PTPRN2: variants seen among roughly 807,000 people sequenced by gnomAD.
PTPRN2 encodes protein tyrosine phosphatase receptor type N2, also known as receptor-type tyrosine-protein phosphatase N2.
Under a neutral mutation model 118.8 loss-of-function variants are expected in PTPRN2, and 74 were observed. That is an observed-to-expected ratio of 0.62 (90% CI 0.52 to 0.76). The LOEUF (loss-of-function observed/expected upper bound fraction) is 0.76, where lower values mean the gene tolerates loss of function less well. Among genes scored for constraint, PTPRN2 ranks in the 30% least tolerant of loss-of-function variants. PTPRN2 has a pLI of 0.00. For synonymous variants in PTPRN2, 641 were observed against 608.0 expected (o/e 1.05, Z -0.80); for missense variants, 1,481 against 1,394.4 (o/e 1.06, Z -0.99).
intron 14 of PTPRN2, among the ~76,000 whole-genome samples, chr7:157,641,247 G>A (rs6978123): frequency 0.028 from 4,287 of 152,276 alleles, 185 homozygotes; most frequent in African/African-American, 0.096. Flanking sequence ...AGCCAAGGGG[G>A]AGAGAGGGAA....
At chr7:157,759,070 C>G (rs1405147640) in intron 12 of PTPRN2, among the ~76,000 whole-genome samples, 1 of 152,236 alleles carries the variant, frequency 6.6e-6, no homozygotes, top group Non-Finnish European at 1.5e-5. Flanking sequence ...CTCTATTATT[C>G]CTCGTTTCTC....
intron 11 of PTPRN2, among the ~76,000 whole-genome samples, chr7:158,068,077 C>T (rs1168746846): frequency 1.3e-5 from 2 of 152,152 alleles, no homozygotes; most frequent in Non-Finnish European, 2.9e-5. Flanking sequence ...TGGAGGAGAG[C>T]TGAGCCAGGG....
At chr7:157,614,049 C>G (rs534775198) in intron 15 of PTPRN2, 34 of 471,452 alleles carry the variant, frequency 7.2e-5, no homozygotes, top group African/African-American at 6.0e-4. Context: ...AAGCATCGTT[C>G]TGCAGCAGGA....
At chr7:157,677,594 G>A (rs189279658) in intron 13 of PTPRN2, among the ~76,000 whole-genome samples, 2 of 152,276 alleles carry the variant, frequency 1.3e-5, no homozygotes, top group African/African-American at 2.4e-5. Context: ...CCAGAAAAAC[G>A]TTCAGACTCA....
intron 2 of PTPRN2, among the ~76,000 whole-genome samples, chr7:158,468,211 C>G (rs1040108769): frequency 6.6e-6 from 1 of 152,204 alleles, no homozygotes; most frequent in African/African-American, 2.4e-5. Flanking sequence ...GCAAATTAGT[C>G]ATTTGCATTG....
At position 157,793,372 on chromosome 7, in the gene PTPRN2, G is replaced by GAGTATGCTTTGTATGTGAGGT. The variant is rs551425104; in HGVS notation, c.1788+105300_1788+105301insACCTCACATACAAAGCATACT. 2.2e-3 allele frequency among the ~76,000 whole-genome samples: 332 copies of GAGTATGCTTTGTATGTGAGGT among 152,340 alleles called. 1 individual carries two copies. Among genetic ancestry groups the GAGTATGCTTTGTATGTGAGGT allele is most frequent in the African/African-American group, 7.5e-3 (311 of 41,574 alleles). On this transcript the variant is annotated intron_variant, in intron 12 of 22. Transcript: ENST00000389418. ...ACCTTTACATTTTGGGGTGCTCTGTGGACCCCCTGTGTACCCTGTGAGTAT... is the reference window on the plus strand; with the variant it reads ...ACCTTTACATTTTGGGGTGCTCTGTGAGTATGCTTTGTATGTGAGGTGACCCCCTGTGTACCCTGTGAGTAT...
intron 12 of PTPRN2, among the ~76,000 whole-genome samples, chr7:157,731,903 T>G (rs1410960286): frequency 2.6e-5 from 1 of 39,110 alleles, no homozygotes; most frequent in African/African-American, 6.1e-5. Flanking sequence ...CAGTTACTCT[T>G]TCCCGTCCCA....
At chr7:157,768,002 G>A (rs911141832) in intron 12 of PTPRN2, among the ~76,000 whole-genome samples, 4 of 152,252 alleles carry the variant, frequency 2.6e-5, no homozygotes, top group South Asian at 2.1e-4. Context: ...GACACCGAGC[G>A]GTAAAAAGAG....
rs1005155695 is a variant in PTPRN2, at chr7:157,764,848, T to C, written c.1789-81911A>G. ...AATGATCCATCCTGCCATTCATCCA[T>C]CCATCCATCAAGCACTCATCCATCC... On this transcript the variant is annotated intron_variant, in intron 12 of 22. Coordinates refer to ENST00000389418, the MANE Select transcript of PTPRN2 (RefSeq NM_002847.5). The surrounding 1 kb of genome is among the most constrained non-coding windows in gnomAD (Gnocchi z 4.5). Among the ~76,000 whole-genome samples the C allele has an allele frequency of 8.6e-5, 13 of 152,016 alleles. No homozygotes were observed. The highest frequency in any genetic ancestry group is 7.9e-4 in the Admixed American group (12 of 15,254).
chr7:157,800,762 C>G (rs1043967028), intron 12 of PTPRN2, among the ~76,000 whole-genome samples: 3 of 151,848 alleles, frequency 2.0e-5, no homozygotes, highest in Non-Finnish European at 4.4e-5. Flanking sequence ...ACCATCCTGG[C>G]CAACACGGTG....
intron 12 of PTPRN2, among the ~76,000 whole-genome samples, chr7:157,818,615 G>C (rs1217390406): frequency 6.6e-6 from 1 of 152,130 alleles, no homozygotes; most frequent in Non-Finnish European, 1.5e-5. Flanking sequence ...CTGTGGCTGA[G>C]TGATGAGGGG....
Position 158,525,425 on chromosome 7 carries a change from T to A in PTPRN2, c.113-35640A>T, listed in dbSNP as rs969860909. On this transcript the variant is annotated intron_variant, in intron 1 of 22. Coordinates refer to ENST00000389418, the MANE Select transcript of PTPRN2 (RefSeq NM_002847.5). This position sits in a 1 kb window ranked among gnomAD's most constrained non-coding sequence, Gnocchi z 4.1. The stretch of plus-strand genomic sequence containing the variant: ...CCAGGTTTCCAGCCTGCCAGCCCCA[T>A]CCAGACTTAAGGACGGAAAGTGGGA... Among the ~76,000 whole-genome samples the A allele has an allele frequency of 2.6e-5, 4 of 152,060 alleles. No homozygotes were observed. The highest frequency in any genetic ancestry group is 5.9e-5 in the Non-Finnish European group (4 of 68,002).
chr7:157,830,985 C>T (rs1158402372), intron 12 of PTPRN2, among the ~76,000 whole-genome samples: 1 of 152,208 alleles, frequency 6.6e-6, no homozygotes, highest in Non-Finnish European at 1.5e-5. Flanking sequence ...ACCTTTGTGA[C>T]TTCCATCCAG....
At chr7:157,829,574 C>T (rs186189737) in intron 12 of PTPRN2, among the ~76,000 whole-genome samples, 15 of 152,328 alleles carry the variant, frequency 9.8e-5, no homozygotes, top group South Asian at 4.1e-4. Context: ...AAGACTGACA[C>T]GGAAAAGCTG....
intron 3 of PTPRN2, among the ~76,000 whole-genome samples, chr7:158,260,432 T>C (rs1420106036): frequency 6.6e-6 from 1 of 152,298 alleles, no homozygotes; most frequent in East Asian, 1.9e-4. Context: ...TGTATAGTAA[T>C]GCATGCATTC....
At chr7:158,340,683 C>A (rs1271222752) in intron 2 of PTPRN2, among the ~76,000 whole-genome samples, 2 of 94,052 alleles carry the variant, frequency 2.1e-5, no homozygotes, top group African/African-American at 3.9e-5. Flanking sequence ...CACACTCTCA[C>A]CATAAGAGGT....
chr7:158,073,109 T>C (rs80275546), intron 11 of PTPRN2, among the ~76,000 whole-genome samples: 4,075 of 152,148 alleles, frequency 0.027, 157 homozygotes, highest in African/African-American at 0.086. Context: ...AGCACCATCT[T>C]TGCACTCTCC....
intron 2 of PTPRN2, among the ~76,000 whole-genome samples, chr7:158,340,929 T>G (rs200516482): frequency 0.27 from 13,552 of 49,620 alleles, 87 homozygotes; most frequent in Middle Eastern, 0.31. Flanking sequence ...CACACGTCAA[T>G]CACACTCACA....
chr7:158,457,020 G>A (rs1245022848), intron 2 of PTPRN2, among the ~76,000 whole-genome samples: 1 of 151,966 alleles, frequency 6.6e-6, no homozygotes, highest in Non-Finnish European at 1.5e-5. Context: ...TCTAGTATCC[G>A]GTCAGTGCTA....
Sources: gnomAD v4.1 joint callset for allele counts (sites outside exome capture counted in the v4.1 genomes callset) on GRCh38, gnomAD v4.1.1 for gene constraint, Gnocchi (gnomAD v3.1) non-coding constraint, MANE v1.5 for transcripts, NCBI Gene and HGNC (gene_info 2026-07-23, HGNC 2026-07-21) for gene names.